Variants in QTMAN observed in about 807,000 individuals in gnomAD.
QTMAN encodes the protein tRNA-queuosine alpha-mannosyltransferase.
At chr2:144,017,690 T>C in the QTMAN span, among the ~76,000 whole-genome samples, 1 of 152,192 alleles carries the variant, frequency 6.6e-6, no homozygotes, top group Non-Finnish European at 1.5e-5. Flanking sequence ...TCCATGTTGC[T>C]TGGCACATAT....
the QTMAN span, among the ~76,000 whole-genome samples, chr2:144,042,410 A>G: frequency 2.6e-5 from 4 of 152,074 alleles, no homozygotes; most frequent in Non-Finnish European, 5.9e-5. Flanking sequence ...CAAACACAAA[A>G]ATGACAAAAG....
the QTMAN span, among the ~76,000 whole-genome samples, chr2:144,316,146 C>A: frequency 6.6e-6 from 1 of 151,556 alleles, no homozygotes; most frequent in Non-Finnish European, 1.5e-5. Context: ...GAGGCTGGGA[C>A]GAGAGGACTG....
At chr2:144,208,546 T>C in the QTMAN span, 2 of 1,414,288 alleles carry the variant, frequency 1.4e-6, no homozygotes. Flanking sequence ...AGAAGCAACA[T>C]CCTCATAACA....
chr2:144,082,842 T>C, the QTMAN span, among the ~76,000 whole-genome samples: 1 of 151,932 alleles, frequency 6.6e-6, no homozygotes, highest in South Asian at 2.1e-4. Context: ...TTCTATGACA[T>C]TCATCAAGCT....
chr2:144,254,584 T>C, the QTMAN span, among the ~76,000 whole-genome samples: 2 of 152,094 alleles, frequency 1.3e-5, no homozygotes, highest in African/African-American at 2.4e-5. Flanking sequence ...AAGAGAAATA[T>C]GGAATTGGAG....
chr2:144,091,730 T>TTA, the QTMAN span, among the ~76,000 whole-genome samples: 1 of 152,194 alleles, frequency 6.6e-6, no homozygotes, highest in Non-Finnish European at 1.5e-5. Flanking sequence ...AAGACTTGCA[T>TTA]GCAAATGTTC....
At chr2:144,192,494 T>A in the QTMAN span, among the ~76,000 whole-genome samples, 4 of 152,328 alleles carry the variant, frequency 2.6e-5, no homozygotes, top group Admixed American at 2.6e-4. Flanking sequence ...AGGTATCACC[T>A]GCTGCAACAA....
chr2:144,254,862 T>C, the QTMAN span, among the ~76,000 whole-genome samples: 1 of 152,210 alleles, frequency 6.6e-6, no homozygotes, highest in Non-Finnish European at 1.5e-5. Flanking sequence ...TCAAAGAGAA[T>C]CATTTTGCAA....
chr2:144,256,622 T>A, the QTMAN span, among the ~76,000 whole-genome samples: 1 of 152,102 alleles, frequency 6.6e-6, no homozygotes, highest in Non-Finnish European at 1.5e-5. Context: ...ACGTTGCATG[T>A]TCTCACTCAT....
chr2:144,307,437 T>C, the QTMAN span, among the ~76,000 whole-genome samples: 2 of 152,170 alleles, frequency 1.3e-5, no homozygotes, highest in Non-Finnish European at 2.9e-5. Flanking sequence ...ACCGCTTCTA[T>C]TTAACACTGC....
the QTMAN span, among the ~76,000 whole-genome samples, chr2:143,966,481 TG>T: frequency 2.0e-5 from 3 of 152,210 alleles, no homozygotes; most frequent in African/African-American, 7.2e-5. Context: ...CAACAGTGCC[TG>T]GAACAAAGAA....
the QTMAN span, among the ~76,000 whole-genome samples, chr2:144,032,111 C>A: frequency 6.6e-6 from 1 of 152,070 alleles, no homozygotes; most frequent in African/African-American, 2.4e-5. Flanking sequence ...TAAGATGTTG[C>A]AAGGCAATGA....
chr2:144,173,360 A>C, the QTMAN span, among the ~76,000 whole-genome samples: 1 of 152,222 alleles, frequency 6.6e-6, no homozygotes, highest in African/African-American at 2.4e-5. Context: ...ACATTACATA[A>C]GATTATATCA....
the QTMAN span, among the ~76,000 whole-genome samples, chr2:144,328,029 G>A: frequency 5.3e-5 from 8 of 152,132 alleles, no homozygotes; most frequent in African/African-American, 1.4e-4. Context: ...TCGGCTCACT[G>A]CAACCTCCAC....
the QTMAN span, among the ~76,000 whole-genome samples, chr2:144,229,218 A>T: frequency 1.3e-5 from 2 of 152,208 alleles, no homozygotes; most frequent in Admixed American, 1.3e-4. Context: ...GACAAATTTT[A>T]AATGTGTACT....
chr2:144,060,648 T>C, the QTMAN span, among the ~76,000 whole-genome samples: 1 of 152,236 alleles, frequency 6.6e-6, no homozygotes, highest in African/African-American at 2.4e-5. Flanking sequence ...CCAAAATTTG[T>C]AGTCTCCTCT....
chr2:143,970,070 G>A, the QTMAN span, among the ~76,000 whole-genome samples: 1 of 152,166 alleles, frequency 6.6e-6, no homozygotes, highest in South Asian at 2.1e-4. Flanking sequence ...TGAACTGTGA[G>A]GATGCAGGGT....
the QTMAN span, among the ~76,000 whole-genome samples, chr2:144,240,673 A>G: frequency 3.3e-5 from 5 of 152,238 alleles, no homozygotes; most frequent in Admixed American, 6.5e-5. Flanking sequence ...CACCCTAGAG[A>G]TTGATGAAGG....
the QTMAN span, among the ~76,000 whole-genome samples, chr2:144,168,204 C>T: frequency 6.6e-6 from 1 of 152,128 alleles, no homozygotes; most frequent in South Asian, 2.1e-4. Flanking sequence ...TCTTAGACTT[C>T]AGTCTACTTA....
Sources: gnomAD v4.1 joint callset for allele counts (sites outside exome capture counted in the v4.1 genomes callset) on GRCh38, gnomAD v4.1.1 for gene constraint, MANE v1.5 for transcripts, NCBI Gene and HGNC (gene_info 2026-07-23, HGNC 2026-07-21) for gene names.